Variants in NBPF15 observed in about 807,000 individuals in gnomAD.
NBPF15 encodes NBPF member 15.
In NBPF15, 74 loss-of-function variants were observed where a neutral mutation model predicts 62.2. The ratio of observed to expected loss-of-function variants is 1.19; its 90% CI spans 0.99 to 1.44. NBPF15 has a LOEUF of 1.44. Among genes scored for constraint, NBPF15 ranks in the 40% most tolerant of loss-of-function variants. NBPF15 has a pLI of 0.00. For synonymous variants in NBPF15, 244 were observed against 209.7 expected (o/e 1.16, Z -1.41); for missense variants, 790 against 550.0 (o/e 1.44, Z -4.36).
At position 144,426,553 on chromosome 1, in the gene NBPF15, A is replaced by T. The variant is rs1230624064; in HGVS notation, c.1266-103T>A. On this transcript the variant is annotated intron_variant, in intron 17 of 21. Coordinates refer to ENST00000581897, the MANE Select transcript of NBPF15 (RefSeq NM_001385408.1). Reference sequence around the variant, plus strand: ...ACATAAGGAACTGTTTAAAAAGAAAAAGGACGGATCCATTAATGAGGTAAT... The same window carrying T: ...ACATAAGGAACTGTTTAAAAAGAAATAGGACGGATCCATTAATGAGGTAAT... 4.1e-6 allele frequency: 3 copies of T among 736,512 alleles called. No individual in the cohort carries two copies. In the Admixed American group the frequency reaches 5.8e-5, roughly 14 times the overall value. The allele number at this position is 736,512 out of a possible 1,614,324, so 45.6% of individuals were successfully genotyped here. A position where few individuals can be genotyped will look rare whatever the true frequency, so the allele number is the denominator to read the frequency against.
intron 8 of NBPF15, among the ~76,000 whole-genome samples, chr1:144,438,882 G>A (rs1234453901): frequency 2.0e-5 from 3 of 151,958 alleles, no homozygotes; most frequent in African/African-American, 4.8e-5. Context: ...ATTCTCGGAT[G>A]CGATCTTTCT....
chr1:144,427,316 G>A (rs1276188507), intron 16 of NBPF15, among the ~76,000 whole-genome samples: 14 of 126,554 alleles, frequency 1.1e-4, no homozygotes, highest in East Asian at 2.3e-4. Context: ...CTGGTAGATC[G>A]TTATCCCAAT....
chr1:144,428,923 A>T (rs1363103388), intron 14 of NBPF15, among the ~76,000 whole-genome samples: 136 of 152,114 alleles, frequency 8.9e-4, no homozygotes, highest in African/African-American at 3.1e-3. Flanking sequence ...CAAATGAGCA[A>T]TTTTTTCCCC....
intron 4 of NBPF15, among the ~76,000 whole-genome samples, chr1:144,452,087 G>T (rs1478119264): frequency 6.6e-6 from 1 of 151,608 alleles, no homozygotes; most frequent in East Asian, 1.9e-4. Context: ...AGGAGGTGGA[G>T]GTTGCAGTGA....
At chr1:144,439,649 T>G (rs1377984931) in intron 8 of NBPF15, among the ~76,000 whole-genome samples, 180 bp downstream of exon 8, 2 of 151,058 alleles carry the variant, frequency 1.3e-5, no homozygotes, top group Admixed American at 6.6e-5. Context: ...ACATGGAAAG[T>G]TGCTAAATAC....
chr1:144,461,127 C>T (rs1242988769), intron 1 of NBPF15, among the ~76,000 whole-genome samples, 166 bp from the exon 2 acceptor site: 8 of 151,676 alleles, frequency 5.3e-5, no homozygotes, highest in South Asian at 2.1e-4. Context: ...CGAGGACGTG[C>T]CCCCGAAGCT....
chr1:144,445,354 T>TATATACAC lies in NBPF15; in HGVS notation c.-191+3420_-191+3421insGTGTATAT, dbSNP rs1322315552. Among the ~76,000 whole-genome samples, 15 of 104,452 alleles carry TATATACAC rather than the reference T, an allele frequency of 1.4e-4. No homozygotes were observed. In the South Asian group the frequency reaches 1.6e-3, roughly 11 times the overall value. The allele number at this position is 104,452 out of a possible 152,430, so 68.5% of individuals were successfully genotyped here. A position where few individuals can be genotyped will look rare whatever the true frequency, so the allele number is the denominator to read the frequency against. ...GTGAATATATATATATATATATATA[T>TATATACAC]ACACACACACACACACACACACACA... is the stretch of plus-strand genomic sequence containing the variant. On this transcript the variant is annotated intron_variant, in intron 6 of 21. Coordinates refer to ENST00000581897, the MANE Select transcript of NBPF15 (RefSeq NM_001385408.1).
Position 144,421,881 on chromosome 1 carries a change from G to A in NBPF15, c.*1132C>T. The A allele has an allele frequency of 7.3e-6, 1 of 136,524 alleles. No homozygotes were observed. Among genetic ancestry groups the A allele is most frequent in the South Asian group, 2.6e-4 (1 of 3,900 alleles). 8.5% of individuals were successfully genotyped at this position (136,524 alleles called of 1,614,324 possible). On this transcript the variant is annotated 3_prime_UTR_variant, in exon 22 of 22. Coordinates refer to ENST00000581897, the MANE Select transcript of NBPF15 (RefSeq NM_001385408.1). ...ACTAGACCTTCTCTGCCCGCAGATGGGCTGAGGTTGGAAACTCACAGCATT... is the reference window on the plus strand; with the variant it reads ...ACTAGACCTTCTCTGCCCGCAGATGAGCTGAGGTTGGAAACTCACAGCATT...
intron 6 of NBPF15, among the ~76,000 whole-genome samples, chr1:144,440,921 G>T (rs1682467925): frequency 1.3e-5 from 2 of 151,660 alleles, no homozygotes; most frequent in Admixed American, 6.6e-5. Flanking sequence ...TGCCGCCTCG[G>T]CCTCCCAAAG....
chr1:144,435,405 A>G, intron 11 of NBPF15, 89 bp from the exon 12 acceptor site: 1 of 1,436,926 alleles, frequency 7.0e-7, no homozygotes, highest in Non-Finnish European at 9.8e-7. Flanking sequence ...GACAGGCGGC[A>G]TTAAGAGAGT....
At chr1:144,432,629 G>T (rs1240970186) in intron 13 of NBPF15, among the ~76,000 whole-genome samples, 9 of 151,080 alleles carry the variant, frequency 6.0e-5, no homozygotes, top group African/African-American at 1.5e-4. Context: ...CCAAGCAAAT[G>T]GAAAACAAAA....
chr1:144,457,537 G>A (rs1648945591), intron 3 of NBPF15, among the ~76,000 whole-genome samples: 1 of 151,922 alleles, frequency 6.6e-6, no homozygotes, highest in Admixed American at 6.6e-5. Flanking sequence ...GGAGATTGTT[G>A]AATATGGTAT....
At chr1:144,427,508 A>G (rs1284036566) in intron 16 of NBPF15, among the ~76,000 whole-genome samples, 1 of 149,240 alleles carries the variant, frequency 6.7e-6, no homozygotes, top group Non-Finnish European at 1.5e-5. Context: ...GATGAAATCT[A>G]CAAGATCTAC....
chr1:144,423,962 C>A lies in NBPF15; in HGVS notation c.1677G>T (p.Lys559Asn), dbSNP rs587594276. 1 of 769,510 alleles carries A rather than the reference C, an allele frequency of 1.3e-6. No individual in the cohort carries two copies. The highest frequency in any genetic ancestry group is 1.7e-5 in the African/African-American group (1 of 59,112). 47.7% of individuals were successfully genotyped at this position (769,510 alleles called of 1,614,324 possible). Residue 559 changes from lysine to asparagine, a missense_variant, in exon 21 of 22, where the codon AAG (lysine) becomes AAT (asparagine). Physicochemically the swap from Lys to Asn is moderately conservative, Grantham distance 94. Transcript: ENST00000581897. The part of the protein sequence containing the change: ...FSLDVGEIEK[K>N]GKGKKRRGRR... The stretch of plus-strand genomic sequence containing the variant: ...TTCCCCTTCTTTTCTTCCCCTTCCC[C>A]TTCTTTTCAATTTCTGCAATAAATT...
chr1:144,455,934 T>C (rs1256053556), intron 4 of NBPF15, among the ~76,000 whole-genome samples: 112 of 152,156 alleles, frequency 7.4e-4, no homozygotes, highest in Non-Finnish European at 8.7e-4. Flanking sequence ...AGAATTCCAC[T>C]GTGGCCCATA....
In NBPF15 at chr1:144,434,861, G is replaced by A. The variant is rs1182162779; in HGVS notation, c.772+250C>T. On this transcript the variant is annotated intron_variant, in intron 12 of 21. Transcript: ENST00000581897. ...GAAGCTAGGAGGCCTGACAGATATG[G>A]CCTGTGCACCTCCTGCACTCAGGTG... 3.7e-4 allele frequency among the ~76,000 whole-genome samples: 56 copies of A among 152,098 alleles called. 3 individuals carry two copies. Among genetic ancestry groups the A allele is most frequent in the Middle Eastern group, 6.8e-3 (2 of 294 alleles).
chr1:144,452,527 C>T (rs1468517054), intron 4 of NBPF15, among the ~76,000 whole-genome samples: 2 of 151,394 alleles, frequency 1.3e-5, no homozygotes, highest in African/African-American at 4.9e-5. Context: ...GAAATGACTA[C>T]AAACAGGTTC....
chr1:144,436,190 G>A lies in NBPF15; in HGVS notation c.494-337C>T, dbSNP rs587655294. On this transcript the variant is annotated intron_variant, in intron 10 of 21. Transcript: ENST00000581897. ...TTCCCAGGCACAGGCTTGGTGTCCC[G>A]TCACAGTTTGCATTTCAAACCTAAT... Among the ~76,000 whole-genome samples the A allele has an allele frequency of 1.0e-3, 157 of 152,124 alleles. 1 individual carries two copies. Among genetic ancestry groups the A allele is most frequent in the East Asian group, 4.3e-3 (22 of 5,170 alleles).
At chr1:144,455,690 G>A (rs1234336755) in intron 4 of NBPF15, among the ~76,000 whole-genome samples, 1 of 151,934 alleles carries the variant, frequency 6.6e-6, no homozygotes, top group Non-Finnish European at 1.5e-5. Flanking sequence ...TTCCCTCCTT[G>A]CACTGGCTCC....
Sources: allele counts gnomAD v4.1 joint callset (sites outside exome capture counted in the v4.1 genomes callset), GRCh38; gene constraint gnomAD v4.1.1; transcripts MANE v1.5; gene names NCBI Gene and HGNC (gene_info 2026-07-23, HGNC 2026-07-21).